CMAS: variants seen among roughly 807,000 people sequenced by gnomAD.
The protein encoded by CMAS is N-acylneuraminate cytidylyltransferase.
A neutral mutation model predicts 53.4 loss-of-function variants in CMAS; 21 were observed. The observed-to-expected ratio is 0.39, with a 90% CI of 0.28 to 0.57. CMAS has a LOEUF of 0.57. CMAS is among the 20% of genes least tolerant of loss of function. The pLI is 0.56. For synonymous variants in CMAS, 189 were observed against 195.2 expected (o/e 0.97, Z 0.27); for missense variants, 384 against 534.9 (o/e 0.72, Z 2.78).
chr12:22,053,432 C>A (rs1950248246), intron 1 of CMAS, among the ~76,000 whole-genome samples: 1 of 148,904 alleles, frequency 6.7e-6, no homozygotes, highest in Non-Finnish European at 1.5e-5. Context: ...ATTATATATA[C>A]ACGTTATATA....
chr12:22,057,436 TTAAC>T (rs1288844686), intron 3 of CMAS, among the ~76,000 whole-genome samples: 7 of 152,202 alleles, frequency 4.6e-5, no homozygotes, highest in Non-Finnish European at 1.0e-4. Context: ...TAGTATATTT[TTAAC>T]TAATGGTAAG....
intron 7 of CMAS, among the ~76,000 whole-genome samples, chr12:22,064,202 G>T (rs990835626): frequency 8.6e-5 from 13 of 151,926 alleles, no homozygotes; most frequent in Admixed American, 1.3e-4. Context: ...TATTGTATGT[G>T]GTCTAAAGTA....
chr12:22,046,898 C>T (rs1950210545), intron 1 of CMAS, among the ~76,000 whole-genome samples: 2 of 152,228 alleles, frequency 1.3e-5, no homozygotes, highest in Admixed American at 1.3e-4. Flanking sequence ...GAGGCCACCC[C>T]GGTGCAACAT....
intron 4 of CMAS, 162 bp from the exon 5 acceptor site, chr12:22,060,669 TA>T: frequency 1.9e-6 from 1 of 519,760 alleles, no homozygotes; most frequent in Non-Finnish European, 3.4e-6. Context: ...AATAAAAAAG[TA>T]AAAATAAATT....
At chr12:22,061,042 G>A in intron 5 of CMAS, 116 bp downstream of exon 5, 1 of 743,564 alleles carries the variant, frequency 1.3e-6, no homozygotes, top group Non-Finnish European at 2.3e-6. Context: ...TTGTTCATGT[G>A]AGGAAGACAT....
At chr12:22,046,648 G>A (rs921635554) in intron 1 of CMAS, 85 bp downstream of exon 1, 23 of 1,367,100 alleles carry the variant, frequency 1.7e-5, no homozygotes, top group Non-Finnish European at 2.2e-5. Context: ...GGGCCTCCGG[G>A]GCCACCGCTC....
Position 22,065,524 on chromosome 12 carries a change from ACAT to A in CMAS, c.*219_*221del. 1 of 486,284 alleles carries A rather than the reference ACAT, an allele frequency of 2.1e-6. No individual in the cohort carries two copies. Among genetic ancestry groups the A allele is most frequent in the Non-Finnish European group, 3.7e-6 (1 of 269,018 alleles). The allele number at this position is 486,284 out of a possible 1,614,324, so 30.1% of individuals were successfully genotyped here. On this transcript the variant is annotated 3_prime_UTR_variant, in exon 8 of 8. Transcript: ENST00000229329. ...AGATTTTTAGTAAATGCAAGTAAGA[ACAT>A]CATCAAAGTTCACTTTGTATTGTAC...
intron 6 of CMAS, 135 bp from the exon 7 acceptor site, chr12:22,062,146 A>C: frequency 1.5e-6 from 1 of 673,440 alleles, no homozygotes; most frequent in South Asian, 2.8e-5. Context: ...TCTTACTTGG[A>C]CCTTCAGAAA....
Position 22,061,406 on chromosome 12 carries a change from T to A in CMAS, c.914T>A (p.Val305Glu). 6.2e-7 allele frequency: 1 copy of A among 1,604,350 alleles called. No homozygotes were observed. Among genetic ancestry groups the A allele is most frequent in the Non-Finnish European group, 8.5e-7 (1 of 1,172,444 alleles). ...CAAAAAGAAATAATATCTTATGATG[T>A]AAAAGATGCTATTGGGATAAGTTTA... Reference protein sequence around the residue: ...GDQKEIISYDVKDAIGISLLK... With the variant: ...GDQKEIISYDEKDAIGISLLK... Residue 305 changes from valine (V) to glutamate (E), a missense_variant, in exon 6 of 8, where the codon GTA (valine) becomes GAA (glutamate). Around this residue, in one of 3 missense-constraint regions of CMAS, gnomAD observed 134 missense variants for 154.6 expected, o/e 0.87. Transcript: ENST00000229329.
Position 22,062,375 on chromosome 12 carries a change from C to T in CMAS, c.1055C>T (p.Ala352Val), listed in dbSNP as rs746011233. 4 of 1,612,920 alleles carry T rather than the reference C, an allele frequency of 2.5e-6. No homozygotes were observed. The Admixed American group carries it at 5.0e-5, about 20-fold the overall frequency. The change falls in exon 7 of 8, where the codon GCA becomes GTA. Residue 352 changes from alanine (A) to valine (V), a missense_variant. Physicochemically the swap from Ala to Val is moderately conservative, Grantham distance 64 (BLOSUM62 0). Transcript: ENST00000229329. ...GAAGTCAGTGTATCAGACAAGCTAG[C>T]AGTTGTAGATGAATGGAGAAAAGAA... The part of the protein sequence containing the change: ...KMEVSVSDKL[A>V]VVDEWRKEMG...
chr12:22,058,026 T>C (rs1195053164), intron 3 of CMAS, among the ~76,000 whole-genome samples: 1 of 151,582 alleles, frequency 6.6e-6, no homozygotes, highest in Non-Finnish European at 1.5e-5. Context: ...GGCGTTTCAC[T>C]ATGTTGGCTG....
At chr12:22,061,145 T>C (rs1433788027) in intron 5 of CMAS, 136 bp from the exon 6 acceptor site, 8 of 717,224 alleles carry the variant, frequency 1.1e-5, no homozygotes, top group Admixed American at 2.6e-5. Context: ...TGTTAAAATA[T>C]ATATGTGAAG....
intron 1 of CMAS, among the ~76,000 whole-genome samples, chr12:22,052,264 C>G (rs1950242490): frequency 1.3e-5 from 2 of 152,162 alleles, no homozygotes; most frequent in South Asian, 4.1e-4. Context: ...CCAAGACTTT[C>G]TCAAGAAAAT....
chr12:22,064,800 C>T (rs1250140462), intron 7 of CMAS, among the ~76,000 whole-genome samples: 2 of 151,946 alleles, frequency 1.3e-5, no homozygotes, highest in Non-Finnish European at 2.9e-5. Flanking sequence ...TGAAATTTTG[C>T]TTAATGAAAA....
chr12:22,052,834 C>A (rs1362331902), intron 1 of CMAS, among the ~76,000 whole-genome samples: 3 of 152,148 alleles, frequency 2.0e-5, no homozygotes, highest in African/African-American at 7.2e-5. Flanking sequence ...ATCTTGTTTG[C>A]TAGGCTTTCT....
chr12:22,062,429 A>G lies in CMAS; in HGVS notation c.1109A>G (p.Tyr370Cys), dbSNP rs762079287. ...EMGLCWKEVA[Y>C]LGNEVSDEEC... ...GGCCTGTGCTGGAAAGAAGTGGCATATCTTGGTTGGTATCTTTTTATTCAC... is the reference window on the plus strand; with the variant it reads ...GGCCTGTGCTGGAAAGAAGTGGCATGTCTTGGTTGGTATCTTTTTATTCAC... Residue 370 changes from tyrosine to cysteine, a missense_variant, in exon 7 of 8, where the codon TAT (tyrosine) becomes TGT (cysteine). Tyr to Cys is a radical substitution (Grantham distance 194). This residue lies in a region of CMAS where 134 missense variants were observed against 154.6 expected (regional missense o/e 0.87). Coordinates refer to ENST00000229329, the MANE Select transcript of CMAS (RefSeq NM_018686.6). 27 of 1,612,080 alleles carry G rather than the reference A, an allele frequency of 1.7e-5. No individual in the cohort carries two copies. Among genetic ancestry groups the G allele is most frequent in the Non-Finnish European group, 2.2e-5 (26 of 1,179,532 alleles).
At chr12:22,060,333 TAAAAAAAAA>T (rs58755366) in intron 4 of CMAS, among the ~76,000 whole-genome samples, 1,736 of 54,214 alleles carry the variant, frequency 0.032, 96 homozygotes, top group African/African-American at 0.1. Flanking sequence ...GCTTTCTCCT[TAAAAAAAAA>T]AAAAAAAAAA....
Position 22,055,136 on chromosome 12 carries a change from G to A in CMAS, c.261-13G>A. 1 of 1,550,434 alleles carries A rather than the reference G, an allele frequency of 6.4e-7. No homozygotes were observed. The highest frequency in any genetic ancestry group is 8.7e-7 in the Non-Finnish European group (1 of 1,151,600). On this transcript the variant is annotated splice_polypyrimidine_tract_variant and intron_variant, in intron 1 of 7. Coordinates refer to ENST00000229329, the MANE Select transcript of CMAS (RefSeq NM_018686.6). ...TTTGATTTGGCTGTTAATTTCTTTT[G>A]ATATCTGAACAGTGTATGGGTTTCG...
At chr12:22,053,034 C>T (rs770268905) in intron 1 of CMAS, among the ~76,000 whole-genome samples, 23 of 152,056 alleles carry the variant, frequency 1.5e-4, no homozygotes, top group Non-Finnish European at 2.4e-4. Context: ...TGGCTTACAC[C>T]TGTAATCCTA....
Sources: gnomAD v4.1 joint callset for allele counts (sites outside exome capture counted in the v4.1 genomes callset) on GRCh38, gnomAD v4.1.1 for gene constraint, gnomAD v4.1.1 regional missense constraint, MANE v1.5 for transcripts, NCBI Gene and HGNC (gene_info 2026-07-23, HGNC 2026-07-21) for gene names.